The following RCBTB2 variants were observed in gnomAD, a reference collection of about 807,000 sequenced individuals.
The protein encoded by RCBTB2 is RCC1 and BTB domain-containing protein 2.
Under a neutral mutation model 65.4 loss-of-function variants are expected in RCBTB2, and 55 were observed. The observed-to-expected ratio is 0.84, with a 90% CI of 0.68 to 1.05. RCBTB2 has a LOEUF of 1.05. Among genes scored for constraint, RCBTB2 ranks in the 50% least tolerant of loss-of-function variants. RCBTB2 has a pLI of 0.00. For synonymous variants in RCBTB2, 220 were observed against 255.2 expected (o/e 0.86, Z 1.31); for missense variants, 599 against 680.1 (o/e 0.88, Z 1.33).
intron 1 of RCBTB2, among the ~76,000 whole-genome samples, chr13:48,530,840 T>C (rs1303228719): frequency 6.6e-6 from 1 of 152,246 alleles, no homozygotes; most frequent in Admixed American, 6.5e-5. Context: ...TTTTTTCACC[T>C]ATATACTATA....
upstream of RCBTB2, chr13:48,533,133 C>T (rs751963548): frequency 1.7e-5 from 7 of 404,460 alleles, no homozygotes; most frequent in South Asian, 6.7e-5. Context: ...TGAAACGGCC[C>T]GGCCTCGGCG....
In RCBTB2 at chr13:48,515,674, C is replaced by T. The variant is rs764395692; in HGVS notation, c.110G>A (p.Cys37Tyr). 1 of 1,613,848 alleles carries T rather than the reference C, an allele frequency of 6.2e-7. No homozygotes were observed. Among genetic ancestry groups the T allele is most frequent in the South Asian group, 1.1e-5 (1 of 91,070 alleles). The change falls in exon 5 of 15, where the codon TGT (cysteine) becomes TAT (tyrosine). Residue 37 changes from cysteine to tyrosine, a missense_variant. Transcript: ENST00000344532. Reference sequence around the variant, plus strand: ...AATTAACTGTAGTTCTTCTTCAGAACAAAGGGAAAAAATTGGCCACTTTCC... The same window carrying T: ...AATTAACTGTAGTTCTTCTTCAGAATAAAGGGAAAAAATTGGCCACTTTCC... ...DVGKWPIFSL[C>Y]SEEELQLIRQ...
rs780123481 is a variant in RCBTB2 at position 48,499,680 on chromosome 13, C to T, written c.1325G>A (p.Arg442Gln). Residue 442 changes from arginine (R) to glutamine (Q), a missense_variant, in exon 13 of 15, where the codon CGG becomes CAG. Transcript: ENST00000344532. ...TGTGTATAGGTATTCCAGGAAGGCCCGGTAAACAGGATATGAAAATTCACT... is the reference window on the plus strand; with the variant it reads ...TGTGTATAGGTATTCCAGGAAGGCCTGGTAAACAGGATATGAAAATTCACT... ...EMSEFSYPVY[R>Q]AFLEYLYTDS... The T allele has an allele frequency of 5.6e-6, 9 of 1,613,998 alleles. No individual in the cohort carries two copies. The highest frequency in any genetic ancestry group is 7.6e-6 in the Non-Finnish European group (9 of 1,180,014).
chr13:48,534,913 C>T (rs1952341432), upstream of RCBTB2, among the ~76,000 whole-genome samples: 1 of 152,204 alleles, frequency 6.6e-6, no homozygotes, highest in Non-Finnish European at 1.5e-5. Flanking sequence ...ACATCTGTAC[C>T]TGTGCACTCT....
chr13:48,535,588 G>A (rs1343080866), upstream of RCBTB2: 3 of 447,500 alleles, frequency 6.7e-6, no homozygotes, highest in Non-Finnish European at 9.0e-6. Context: ...TTTCAGCCAG[G>A]CTTTTGCCCC....
intron 14 of RCBTB2, among the ~76,000 whole-genome samples, chr13:48,491,137 A>C (rs1366433388): frequency 1.3e-5 from 2 of 152,194 alleles, no homozygotes; most frequent in Non-Finnish European, 2.9e-5. Flanking sequence ...TAATTTATAA[A>C]AAATAAAAGC....
Position 48,525,280 on chromosome 13 carries a change from G to T in RCBTB2, c.-218-523C>A, listed in dbSNP as rs1193127915. Among the ~76,000 whole-genome samples the T allele has an allele frequency of 6.1e-5, 9 of 148,560 alleles. No homozygotes were observed. In the Admixed American group the frequency reaches 6.1e-4, roughly 10 times the overall value. On this transcript the variant is annotated intron_variant, in intron 1 of 14. Transcript: ENST00000344532. ...TTGTAACATGCATAATGGACAGCTTGGAAAGGATCCATACACAAAATATAT... is the reference window on the plus strand; with the variant it reads ...TTGTAACATGCATAATGGACAGCTTTGAAAGGATCCATACACAAAATATAT...
rs140211811 is a variant in RCBTB2 at position 48,499,724 on chromosome 13, C to T, written c.1281G>A (p.Glu427=). ...EHFRSSLEDN[E]DDIVEMSEFS... ...ATTCACTCATTTCTACAATATCATC[C>T]TCGTTATCTTCCAATGACGAACGAA... The change falls in exon 13 of 15, where the codon GAG becomes GAA. Residue 427 remains glutamate (E), a synonymous_variant. Coordinates refer to ENST00000344532, the MANE Select transcript of RCBTB2 (RefSeq NM_001268.4). 7 of 1,614,210 alleles carry T rather than the reference C, an allele frequency of 4.3e-6. No individual in the cohort carries two copies. Among genetic ancestry groups the T allele is most frequent in the Non-Finnish European group, 4.2e-6 (5 of 1,180,024 alleles).
At chr13:48,532,785 T>C (rs560650277) in intron 1 of RCBTB2, 30 of 309,406 alleles carry the variant, frequency 9.7e-5, no homozygotes, top group African/African-American at 6.1e-4. Context: ...GCCTGCGGCC[T>C]GGGCTGGGTG....
intron 13 of RCBTB2, among the ~76,000 whole-genome samples, chr13:48,496,668 C>T (rs75695823): frequency 0.057 from 8,620 of 149,964 alleles, 832 homozygotes; most frequent in African/African-American, 0.2. Context: ...CAGGAGCACA[C>T]ACACATGCTG....
At chr13:48,499,203 T>C (rs1388068396) in intron 13 of RCBTB2, among the ~76,000 whole-genome samples, 1 of 149,840 alleles carries the variant, frequency 6.7e-6, no homozygotes, top group East Asian at 2.0e-4. Context: ...TCCTTTCTAC[T>C]GAAACCACAG....
Position 48,488,992 on chromosome 13 carries a change from AC to A in RCBTB2, c.*1118del, listed in dbSNP as rs1165857775. The A allele has an allele frequency of 6.6e-6, 1 of 152,242 alleles. No homozygotes were observed. Among genetic ancestry groups the A allele is most frequent in the East Asian group, 1.9e-4 (1 of 5,206 alleles). 9.4% of individuals were successfully genotyped at this position (152,242 alleles called of 1,614,324 possible). On this transcript the variant is annotated 3_prime_UTR_variant, in exon 15 of 15. Coordinates refer to ENST00000344532, the MANE Select transcript of RCBTB2 (RefSeq NM_001268.4). The stretch of plus-strand genomic sequence containing the variant: ...GTTATCTGCAAATAAGCACTTTATT[AC>A]CAAATAGTTCAGCATCAGAACAAGA...
chr13:48,518,349 A>G (rs6561455), intron 4 of RCBTB2, among the ~76,000 whole-genome samples: 5,499 of 151,818 alleles, frequency 0.036, 338 homozygotes, highest in African/African-American at 0.13. Flanking sequence ...CTTGCCCTAA[A>G]AAGGACACCT....
chr13:48,494,517 G>T (rs1483199934), intron 14 of RCBTB2, among the ~76,000 whole-genome samples: 1 of 152,174 alleles, frequency 6.6e-6, no homozygotes. Context: ...AGGCGCTGGG[G>T]ATATGGTTGT....
At chr13:48,513,487 A>C (rs928113838) in intron 6 of RCBTB2, among the ~76,000 whole-genome samples, 2 of 152,156 alleles carry the variant, frequency 1.3e-5, no homozygotes, top group African/African-American at 4.8e-5. Flanking sequence ...AAATGGAATC[A>C]TACAGTTTGT....
rs540351859 is a variant in RCBTB2, at chr13:48,513,952, T to C, written c.350-1057A>G. 4.3e-4 allele frequency among the ~76,000 whole-genome samples: 65 copies of C among 152,358 alleles called. 1 individual carries two copies. The South Asian group carries it at 0.013, about 31-fold the overall frequency. ...TATACTTATGATAAAGTTTAATTTG[T>C]AAGTTAGGCATAGTAAGAGATTAAC... On this transcript the variant is annotated intron_variant, in intron 6 of 14. Coordinates refer to ENST00000344532, the MANE Select transcript of RCBTB2 (RefSeq NM_001268.4).
upstream of RCBTB2, among the ~76,000 whole-genome samples, chr13:48,533,429 G>T (rs1417812625): frequency 6.6e-6 from 1 of 152,208 alleles, no homozygotes; most frequent in Non-Finnish European, 1.5e-5. Context: ...AGGATAAGGC[G>T]TGTATGATGC....
At chr13:48,523,345 TAC>T (rs1263980359) in intron 2 of RCBTB2, among the ~76,000 whole-genome samples, 1 of 152,210 alleles carries the variant, frequency 6.6e-6, no homozygotes, top group Non-Finnish European at 1.5e-5. Flanking sequence ...TGTTTTTAAC[TAC>T]ATTGAAGGCA....
chr13:48,505,042 ATTTC>A (rs1226970470), intron 10 of RCBTB2, among the ~76,000 whole-genome samples: 3,032 of 149,618 alleles, frequency 0.02, 105 homozygotes, highest in African/African-American at 0.071. Flanking sequence ...TTTGTTTTTT[ATTTC>A]TTTCTTTTTT....
Sources: gnomAD v4.1 joint callset for allele counts (sites outside exome capture counted in the v4.1 genomes callset) on GRCh38, gnomAD v4.1.1 for gene constraint, MANE v1.5 for transcripts, NCBI Gene and HGNC (gene_info 2026-07-23, HGNC 2026-07-21) for gene names.